The following CEP63 variants were observed in gnomAD, a reference collection of about 807,000 sequenced individuals.
CEP63 encodes the protein centrosomal protein of 63 kDa.
Under a neutral mutation model 89.1 loss-of-function variants are expected in CEP63, and 84 were observed. The ratio of observed to expected loss-of-function variants is 0.94; its 90% CI spans 0.79 to 1.13. The LOEUF is 1.13. Ranked by LOEUF, CEP63 falls within the 50% of genes most tolerant of loss-of-function variation. The probability of loss-of-function intolerance (pLI) is 0.00; values close to 1 mark genes in which losing one functional copy is unlikely to be tolerated. For missense variants in CEP63, 838 were observed against 813.3 expected, an observed-to-expected ratio of 1.03 and a Z score of -0.37; for synonymous variants, 267 against 272.5, an observed-to-expected ratio of 0.98 and a Z score of 0.20.
chr3:134,528,553 GGTGTGTGTGTGTGTGCGT>G (rs1174710838), intron 3 of CEP63, among the ~76,000 whole-genome samples: 1 of 108,816 alleles, frequency 9.2e-6, no homozygotes, highest in African/African-American at 3.1e-5. Flanking sequence ...CTTAAGGAGG[GGTGTGTGTGTGTGTGCGT>G]GTGTGTGTGT....
chr3:134,729,485 T>C, the CEP63 span, among the ~76,000 whole-genome samples: 1 of 152,206 alleles, frequency 6.6e-6, no homozygotes, highest in East Asian at 1.9e-4. Context: ...TAATCTGGCT[T>C]ATTAGTCCCT....
At chr3:134,628,505 A>G in the CEP63 span, among the ~76,000 whole-genome samples, 1 of 152,346 alleles carries the variant, frequency 6.6e-6, no homozygotes, top group East Asian at 1.9e-4. Flanking sequence ...ACTTTAGGCT[A>G]TAAATATAAC....
At chr3:134,619,182 C>T in the CEP63 span, 3 of 1,613,820 alleles carry the variant, frequency 1.9e-6, no homozygotes, top group Non-Finnish European at 2.5e-6. Context: ...GCATAGCCAT[C>T]ACAGTTGGTC....
Position 134,492,606 on chromosome 3 carries a change from C to G in CEP63, c.-25-2690C>G, listed in dbSNP as rs1228506565. The stretch of plus-strand genomic sequence containing the variant: ...TTTTTTTTTAAACAGGAATCTCTAT[C>G]TTAGACCATTTTGATTTCTAAAATA... On this transcript the variant is annotated intron_variant, in intron 1 of 14. Coordinates refer to ENST00000675561, the MANE Select transcript of CEP63 (RefSeq NM_001353108.3). Among the ~76,000 whole-genome samples the G allele has an allele frequency of 6.2e-5, 9 of 145,022 alleles. No homozygotes were observed. The East Asian group carries it at 1.8e-3, about 29-fold the overall frequency.
intron 11 of CEP63, chr3:134,574,776 TA>T: frequency 1.7e-6 from 1 of 603,422 alleles, no homozygotes; most frequent in Non-Finnish European, 3.0e-6. Context: ...GCTAATTTTT[TA>T]TATTTTTTTT....
intron 3 of CEP63, among the ~76,000 whole-genome samples, chr3:134,509,669 G>C (rs541677149): frequency 6.6e-6 from 1 of 151,914 alleles, no homozygotes; most frequent in Non-Finnish European, 1.5e-5. Flanking sequence ...AAACACAGGA[G>C]AAGTAAAAAA....
the CEP63 span, among the ~76,000 whole-genome samples, chr3:134,652,444 G>C: frequency 6.9e-6 from 1 of 144,626 alleles, no homozygotes; most frequent in South Asian, 2.2e-4. Flanking sequence ...CATTACCAGC[G>C]CCCCCCCCCA....
chr3:134,486,506 C>T (rs1935443861), intron 1 of CEP63: 2 of 985,804 alleles, frequency 2.0e-6, no homozygotes, highest in Non-Finnish European at 2.4e-6. Flanking sequence ...GCCAGGTGGT[C>T]AGCCCTTCCT....
At chr3:134,610,889 T>G in the CEP63 span, among the ~76,000 whole-genome samples, 1 of 152,188 alleles carries the variant, frequency 6.6e-6, no homozygotes, top group East Asian at 1.9e-4. Flanking sequence ...TGAGGTGTTG[T>G]GGGGTTGCTG....
intron 3 of CEP63, among the ~76,000 whole-genome samples, chr3:134,514,962 T>C (rs1406764345): frequency 2.0e-5 from 3 of 152,192 alleles, no homozygotes; most frequent in Non-Finnish European, 4.4e-5. Context: ...TAAGCAATCC[T>C]ACCTCAGCCT....
the CEP63 span, chr3:134,604,398 C>T: frequency 2.5e-6 from 4 of 1,613,928 alleles, no homozygotes; most frequent in African/African-American, 5.3e-5. Context: ...GCAGCCCATG[C>T]TCTTGCTTGC....
intron 2 of CEP63, among the ~76,000 whole-genome samples, chr3:134,496,394 A>G (rs1267483530): frequency 6.9e-6 from 1 of 145,888 alleles, no homozygotes; most frequent in East Asian, 2.1e-4. Flanking sequence ...CACATCAAAC[A>G]AAGTAACATT....
chr3:134,489,178 A>T (rs936213504), intron 1 of CEP63, among the ~76,000 whole-genome samples: 1 of 151,898 alleles, frequency 6.6e-6, no homozygotes, highest in Non-Finnish European at 1.5e-5. Flanking sequence ...AAAAAAAAAA[A>T]AATTCAGTTC....
At chr3:134,627,784 G>T in the CEP63 span, 1 of 1,613,848 alleles carries the variant, frequency 6.2e-7, no homozygotes, top group Non-Finnish European at 8.5e-7. Context: ...CAGGTTGCCG[G>T]GGTCTTGTGT....
At chr3:134,696,269 T>A in the CEP63 span, among the ~76,000 whole-genome samples, 1 of 152,234 alleles carries the variant, frequency 6.6e-6, no homozygotes, top group Non-Finnish European at 1.5e-5. Context: ...CGCCTTCATC[T>A]TCTTTTGCTT....
chr3:134,486,778 A>C (rs953201400), intron 1 of CEP63: 6 of 154,714 alleles, frequency 3.9e-5, no homozygotes, highest in Non-Finnish European at 8.5e-5. Flanking sequence ...TGTTAGTACA[A>C]GAGGTACGGA....
At chr3:134,657,164 A>G in the CEP63 span, among the ~76,000 whole-genome samples, 2 of 152,318 alleles carry the variant, frequency 1.3e-5, no homozygotes, top group South Asian at 2.1e-4. Context: ...AGACTCTTAC[A>G]TGGCGGCAGC....
intron 9 of CEP63, 142 bp downstream of exon 9, chr3:134,547,614 C>CTTATTTTTTTTTTTTTTTTTTTT (rs1953746574): frequency 4.5e-6 from 1 of 224,274 alleles, no homozygotes; most frequent in Non-Finnish European, 8.0e-6. Flanking sequence ...GTTCTTATTT[C>CTTATTTTTTTTTTTTTTTTTTTT]TTTTTTTTTT....
At chr3:134,690,114 A>G in the CEP63 span, among the ~76,000 whole-genome samples, 1 of 152,180 alleles carries the variant, frequency 6.6e-6, no homozygotes. Context: ...TTTCTATGTA[A>G]TACTTTGTTC....
Sources: allele counts gnomAD v4.1 joint callset (sites outside exome capture counted in the v4.1 genomes callset), GRCh38; gene constraint gnomAD v4.1.1; transcripts MANE v1.5; gene names NCBI Gene and HGNC (gene_info 2026-07-23, HGNC 2026-07-21).